ACOXL: variants seen among roughly 807,000 people sequenced by gnomAD.
ACOXL encodes acyl-CoA oxidase like, also known as acyl-coenzyme A oxidase-like protein.
In ACOXL, 70 loss-of-function variants were observed where a neutral mutation model predicts 71.9. The observed-to-expected ratio is 0.97, with a 90% CI of 0.80 to 1.19. The LOEUF is 1.19. Among genes scored for constraint, ACOXL ranks in the 50% most tolerant of loss-of-function variants. ACOXL has a pLI of 0.00. For missense variants in ACOXL, 703 were observed against 736.3 expected, an observed-to-expected ratio of 0.95 and a Z score of 0.52; for synonymous variants, 253 against 281.6, an observed-to-expected ratio of 0.90 and a Z score of 1.02.
At chr2:111,064,436 A>G (rs1574648892) in intron 16 of ACOXL, among the ~76,000 whole-genome samples, 1 of 69,138 alleles carries the variant, frequency 1.4e-5, no homozygotes, top group Non-Finnish European at 3.3e-5. Flanking sequence ...ACTCCATCTC[A>G]AAAAAAAAAC....
intron 1 of ACOXL, 129 bp from the exon 2 acceptor site, chr2:110,768,239 A>G (rs1271580343): frequency 6.0e-6 from 4 of 662,816 alleles, no homozygotes; most frequent in Admixed American, 2.5e-5. Context: ...TGACACACAC[A>G]GTGTGCACAG....
intron 10 of ACOXL, chr2:110,886,802 C>G (rs903220185): frequency 1.3e-6 from 2 of 1,551,096 alleles, no homozygotes; most frequent in Non-Finnish European, 1.7e-6. Context: ...TCTCCCAGAA[C>G]TGCTGTTCAG....
At chr2:110,909,886 T>C (rs1030141299) in intron 11 of ACOXL, among the ~76,000 whole-genome samples, 7 of 151,864 alleles carry the variant, frequency 4.6e-5, no homozygotes, top group Non-Finnish European at 8.8e-5. Flanking sequence ...CAGGCTGAGC[T>C]GCAGGTAACA....
At chr2:110,878,592 A>G (rs1357869791) in intron 10 of ACOXL, among the ~76,000 whole-genome samples, 1 of 151,738 alleles carries the variant, frequency 6.6e-6, no homozygotes, top group Non-Finnish European at 1.5e-5. Context: ...GTGAAACCCT[A>G]TCTCTACTAA....
chr2:110,963,566 TGTG>T (rs1289067172), intron 12 of ACOXL: 92 of 57,674 alleles, frequency 1.6e-3, no homozygotes, highest in Non-Finnish European at 2.3e-3. Flanking sequence ...AAATTTGAAA[TGTG>T]TGTGTGTGTG....
chr2:110,949,097 T>C (rs953766768), intron 12 of ACOXL, among the ~76,000 whole-genome samples: 1 of 152,148 alleles, frequency 6.6e-6, no homozygotes, highest in African/African-American at 2.4e-5. Flanking sequence ...AATAGCTGAG[T>C]CCAGCTGGCT....
At chr2:110,982,883 G>A (rs2062774787) in intron 12 of ACOXL, among the ~76,000 whole-genome samples, 1 of 152,202 alleles carries the variant, frequency 6.6e-6, no homozygotes, top group African/African-American at 2.4e-5. Context: ...AAGGGACCAT[G>A]CTTGGTTCAG....
chr2:110,746,445 G>A (rs1678217028), intron 1 of ACOXL, among the ~76,000 whole-genome samples: 1 of 152,024 alleles, frequency 6.6e-6, no homozygotes, highest in South Asian at 2.1e-4. Flanking sequence ...TGGCCCTTGA[G>A]GGAATCGCCA....
At chr2:110,842,841 T>C (rs781017699) in intron 10 of ACOXL, among the ~76,000 whole-genome samples, 1 of 152,080 alleles carries the variant, frequency 6.6e-6, no homozygotes, top group African/African-American at 2.4e-5. Context: ...AAGGTGCCGT[T>C]TTTTAGTGTA....
chr2:110,871,774 C>T (rs997825260), intron 10 of ACOXL, among the ~76,000 whole-genome samples: 3 of 152,162 alleles, frequency 2.0e-5, no homozygotes, highest in Admixed American at 1.3e-4. Context: ...CTCCCCTGAC[C>T]TCAGCTCCAG....
chr2:110,750,690 T>C (rs1249897730), intron 1 of ACOXL, among the ~76,000 whole-genome samples: 1 of 150,402 alleles, frequency 6.6e-6, no homozygotes, highest in Non-Finnish European at 1.5e-5. Flanking sequence ...TGTGTATATA[T>C]ATATATATGT....
intron 14 of ACOXL, among the ~76,000 whole-genome samples, chr2:111,020,572 T>G (rs375114829): frequency 8.5e-5 from 13 of 152,134 alleles, no homozygotes; most frequent in African/African-American, 2.4e-4. Flanking sequence ...GGAAGCCGTG[T>G]GTGTGTGCAC....
At chr2:110,877,152 T>C (rs554599250) in intron 10 of ACOXL, among the ~76,000 whole-genome samples, 91 of 152,300 alleles carry the variant, frequency 6.0e-4, no homozygotes, top group Middle Eastern at 6.8e-3. Context: ...GGACCCTCCT[T>C]CTCCAGCACA....
chr2:110,975,385 T>C (rs1400008533), intron 12 of ACOXL, among the ~76,000 whole-genome samples: 1 of 149,610 alleles, frequency 6.7e-6, no homozygotes, highest in East Asian at 2.0e-4. Flanking sequence ...AAAATTTCTC[T>C]TTTTTACCGT....
At chr2:110,904,878 G>A in intron 10 of ACOXL, among the ~76,000 whole-genome samples, 1 of 151,934 alleles carries the variant, frequency 6.6e-6, no homozygotes, top group East Asian at 1.9e-4. Flanking sequence ...GGGGAGACTA[G>A]GTTAGGCCCT....
At chr2:110,984,733 G>A (rs961891660) in intron 12 of ACOXL, among the ~76,000 whole-genome samples, 3 of 152,208 alleles carry the variant, frequency 2.0e-5, no homozygotes, top group African/African-American at 4.8e-5. Flanking sequence ...AGTGGAAATA[G>A]CGGCAGAAGT....
At chr2:110,845,024 G>A (rs35105445) in intron 10 of ACOXL, among the ~76,000 whole-genome samples, 2 of 152,062 alleles carry the variant, frequency 1.3e-5, no homozygotes, top group Non-Finnish European at 2.9e-5. Context: ...TTCCTGTGTG[G>A]TGAAATATGC....
At chr2:110,990,310 G>T (rs1056443339) in intron 13 of ACOXL, among the ~76,000 whole-genome samples, 1 of 151,972 alleles carries the variant, frequency 6.6e-6, no homozygotes, top group Non-Finnish European at 1.5e-5. Context: ...GTTGTTAAAA[G>T]AATATTTTTA....
intron 9 of ACOXL, among the ~76,000 whole-genome samples, chr2:110,816,916 T>G (rs1345631507): frequency 6.6e-6 from 1 of 152,240 alleles, no homozygotes; most frequent in Non-Finnish European, 1.5e-5. Flanking sequence ...CTTCCTCTCT[T>G]GCTCACCCGT....
Sources: gnomAD v4.1 joint callset for allele counts (sites outside exome capture counted in the v4.1 genomes callset) on GRCh38, gnomAD v4.1.1 for gene constraint, MANE v1.5 for transcripts, NCBI Gene and HGNC (gene_info 2026-07-23, HGNC 2026-07-21) for gene names.